CRB1: variants seen among roughly 807,000 people sequenced by gnomAD.
The protein encoded by CRB1 is crumbs cell polarity complex component 1.
CRB1 carries 83 observed loss-of-function variants against 120.0 expected under a neutral mutation model. The observed-to-expected ratio is 0.69, with a 90% CI of 0.58 to 0.83. The LOEUF is 0.83. Among genes scored for constraint, CRB1 ranks in the 40% least tolerant of loss-of-function variants. The pLI, the probability that CRB1 is intolerant of heterozygous loss-of-function variation, is 0.00. For synonymous variants in CRB1, 625 were observed against 612.5 expected (o/e 1.02, Z -0.30); for missense variants, 1,699 against 1,687.6 (o/e 1.01, Z -0.12).
chr1:197,380,568 C>T (rs1661900600), intron 5 of CRB1, among the ~76,000 whole-genome samples: 1 of 152,074 alleles, frequency 6.6e-6, no homozygotes, highest in Non-Finnish European at 1.5e-5. Context: ...TAAGAACATC[C>T]AAATAAGATA....
In CRB1 at chr1:197,303,894, A is replaced by G. The variant is rs145169401; in HGVS notation, c.71-24528A>G. Among the ~76,000 whole-genome samples the G allele has an allele frequency of 2.1e-3, 325 of 152,300 alleles. 1 individual carries two copies. Among genetic ancestry groups the G allele is most frequent in the African/African-American group, 7.4e-3 (306 of 41,582 alleles). ...TTCCAGCTACTTGGGAGGCTGAGGC[A>G]GGAGTGTAGCATGAGCCCAGGAGTT... On this transcript the variant is annotated intron_variant, in intron 1 of 11. Coordinates refer to ENST00000367400, the MANE Select transcript of CRB1 (RefSeq NM_201253.3).
At chr1:197,214,135 AAAG>A in the CRB1 span, among the ~76,000 whole-genome samples, 1 of 152,324 alleles carries the variant, frequency 6.6e-6, no homozygotes, top group South Asian at 2.1e-4. Flanking sequence ...GGAGAAAAAA[AAAG>A]CTGGCAAACC....
chr1:197,238,221 G>GT, the CRB1 span, among the ~76,000 whole-genome samples: 1 of 151,970 alleles, frequency 6.6e-6, no homozygotes, highest in Non-Finnish European at 1.5e-5. Flanking sequence ...ACTCTGTATA[G>GT]TTTTTTTAAT....
At chr1:197,433,416 A>G (rs1343646146) in intron 8 of CRB1, among the ~76,000 whole-genome samples, 2 of 152,152 alleles carry the variant, frequency 1.3e-5, no homozygotes, top group Non-Finnish European at 1.5e-5. Context: ...GTGATACAAT[A>G]AAAGTAGATA....
upstream of CRB1, among the ~76,000 whole-genome samples, chr1:197,267,799 T>TA (rs572835135): frequency 4.7e-4 from 72 of 152,320 alleles, 1 homozygote; most frequent in South Asian, 0.013. Context: ...GCTCTGGACT[T>TA]ACGACAAAAT....
rs758020399 is a variant in CRB1, at chr1:197,356,969, A to G, written c.1127A>G (p.His376Arg). 3.7e-6 allele frequency: 6 copies of G among 1,614,106 alleles called. No individual in the cohort carries two copies. Among genetic ancestry groups the G allele is most frequent in the African/African-American group, 1.3e-5 (1 of 74,936 alleles). The change falls in exon 5 of 12, where the codon CAT (histidine) becomes CGT (arginine). Residue 376 changes from histidine (H) to arginine (R), a missense_variant. Transcript: ENST00000367400. The stretch of plus-strand genomic sequence containing the variant: ...GGACTGCCTTCTTCTTTCAGCTACC[A>G]TGAAGCCTCAGGTTATGTCTGTATC... ...ITGLPSSFSY[H>R]EASGYVCICQ...
chr1:197,432,389 CACACACACACACACAT>C (rs1367105654), intron 8 of CRB1, among the ~76,000 whole-genome samples: 16 of 146,910 alleles, frequency 1.1e-4, no homozygotes, highest in African/African-American at 4.3e-4. Context: ...CACACACACA[CACACACACACACACAT>C]AGTAAAAAAC....
chr1:197,252,929 G>A, the CRB1 span, among the ~76,000 whole-genome samples: 2 of 151,822 alleles, frequency 1.3e-5, no homozygotes, highest in South Asian at 4.2e-4. Flanking sequence ...ATTGGTGAAG[G>A]CAGATCTTCT....
At chr1:197,373,638 A>G (rs1343612165) in intron 5 of CRB1, among the ~76,000 whole-genome samples, 2 of 152,200 alleles carry the variant, frequency 1.3e-5, no homozygotes. Flanking sequence ...CTGTTTTAAT[A>G]AAATCTGTGG....
intron 2 of CRB1, among the ~76,000 whole-genome samples, chr1:197,338,587 C>T (rs1659282046): frequency 6.6e-6 from 1 of 152,074 alleles, no homozygotes; most frequent in Non-Finnish European, 1.5e-5. Flanking sequence ...CTTAAACTTT[C>T]ACTGATGGTA....
chr1:197,422,820 T>C (rs1456229233), intron 6 of CRB1: 1 of 152,200 alleles, frequency 6.6e-6, no homozygotes, highest in African/African-American at 2.4e-5. Context: ...TTAGAGTAAC[T>C]TGAAGTAGGA....
chr1:197,366,495 T>C (rs932348133), intron 5 of CRB1, among the ~76,000 whole-genome samples: 9 of 152,222 alleles, frequency 5.9e-5, no homozygotes, highest in Non-Finnish European at 1.2e-4. Context: ...ACTTGTGTAA[T>C]TACCTTCTAT....
chr1:197,413,649 G>A (rs1663817784), intron 5 of CRB1, among the ~76,000 whole-genome samples: 2 of 152,188 alleles, frequency 1.3e-5, no homozygotes, highest in Admixed American at 1.3e-4. Flanking sequence ...AGCGTTCAGT[G>A]TTGTGATCAT....
intron 5 of CRB1, among the ~76,000 whole-genome samples, chr1:197,402,091 T>A (rs2125434476): frequency 6.6e-6 from 1 of 152,328 alleles, no homozygotes; most frequent in Middle Eastern, 3.4e-3. Context: ...TGCAGGTTTG[T>A]TATACAGTTA....
intron 11 of CRB1, among the ~76,000 whole-genome samples, chr1:197,464,147 C>T (rs1666647836): frequency 6.6e-6 from 1 of 152,164 alleles, no homozygotes; most frequent in Non-Finnish European, 1.5e-5. Context: ...AGTTGTAGCT[C>T]CTCCTCGTGT....
At chr1:197,369,708 T>C (rs1661271429) in intron 5 of CRB1, among the ~76,000 whole-genome samples, 1 of 152,286 alleles carries the variant, frequency 6.6e-6, no homozygotes, top group South Asian at 2.1e-4. Context: ...TCATTTCTGG[T>C]CTTTATCCCA....
chr1:197,261,167 A>G, the CRB1 span, among the ~76,000 whole-genome samples: 1 of 152,180 alleles, frequency 6.6e-6, no homozygotes, highest in Non-Finnish European at 1.5e-5. Context: ...CTATACAAAC[A>G]CAGAATAAAT....
intron 11 of CRB1, chr1:197,477,421 A>G: frequency 1.8e-6 from 1 of 567,166 alleles, no homozygotes; most frequent in South Asian, 1.7e-5. Context: ...GAGACTGAGC[A>G]AATATAGTAG....
chr1:197,331,507 CTCTT>C (rs1484825800), intron 2 of CRB1, among the ~76,000 whole-genome samples: 2 of 152,042 alleles, frequency 1.3e-5, no homozygotes. Context: ...ACTGAGGTGT[CTCTT>C]TCTTTGGTGG....
Sources: gnomAD v4.1 joint callset for allele counts (sites outside exome capture counted in the v4.1 genomes callset) on GRCh38, gnomAD v4.1.1 for gene constraint, MANE v1.5 for transcripts, NCBI Gene and HGNC (gene_info 2026-07-23, HGNC 2026-07-21) for gene names.